The following FSD2 variants were observed in gnomAD, a reference collection of about 807,000 sequenced individuals.
FSD2 encodes the protein fibronectin type III and SPRY domain containing 2, also known as fibronectin type III and SPRY domain-containing protein 2.
In FSD2, 71 loss-of-function variants were observed where a neutral mutation model predicts 80.4. The observed-to-expected ratio is 0.88, with a 90% CI of 0.73 to 1.08. The LOEUF is 1.08. Ranked by LOEUF, FSD2 falls within the 50% of genes least tolerant of loss-of-function variation. FSD2 has a pLI of 0.00. For missense variants in FSD2, 923 were observed against 913.8 expected (o/e 1.01, Z -0.13); for synonymous variants, 361 against 329.5 (o/e 1.10, Z -1.03).
chr15:82,771,461 G>A (rs1235666977), intron 7 of FSD2, among the ~76,000 whole-genome samples: 1 of 152,176 alleles, frequency 6.6e-6, no homozygotes, highest in East Asian at 1.9e-4. Context: ...ATTGATTATT[G>A]TAGTATGGGG....
chr15:82,796,770 G>A (rs2050281612), intron 1 of FSD2, among the ~76,000 whole-genome samples: 1 of 152,078 alleles, frequency 6.6e-6, no homozygotes, highest in African/African-American at 2.4e-5. Context: ...TTCAGGCTAT[G>A]GAATCTGTAT....
chr15:82,803,942 G>T (rs1596270059), intron 1 of FSD2, among the ~76,000 whole-genome samples: 1 of 152,274 alleles, frequency 6.6e-6, no homozygotes, highest in Non-Finnish European at 1.5e-5. Context: ...TATTAACAGT[G>T]TCTACCTCAT....
intron 6 of FSD2, among the ~76,000 whole-genome samples, chr15:82,772,641 AGG>A (rs778429357): frequency 5.9e-5 from 9 of 152,202 alleles, no homozygotes; most frequent in Non-Finnish European, 1.0e-4. Flanking sequence ...GTATGGGGAA[AGG>A]GGGCATCCAG....
At chr15:82,804,183 T>C (rs2050477339) in intron 1 of FSD2, among the ~76,000 whole-genome samples, 2 of 151,988 alleles carry the variant, frequency 1.3e-5, no homozygotes, top group Non-Finnish European at 2.9e-5. Flanking sequence ...TATTTGTCCC[T>C]TGAAAACAGC....
chr15:82,786,806 A>C lies in FSD2; in HGVS notation c.585T>G (p.Asp195Glu). ...TPIRAFQKVFDEHKEHEVIPL... is the reference protein window; with the variant it reads ...TPIRAFQKVFEEHKEHEVIPL... Reference sequence around the variant, plus strand: ...GGATCACTTCATGCTCCTTATGTTCATCAAAAACCTTCTGAAAAGCTCTTA... The same window carrying C: ...GGATCACTTCATGCTCCTTATGTTCCTCAAAAACCTTCTGAAAAGCTCTTA... Residue 195 changes from aspartate (D) to glutamate (E), a missense_variant, in exon 2 of 13, where the codon GAT becomes GAG. By Grantham distance (45) the Asp-to-Glu change is conservative. Transcript: ENST00000334574. 1 of 1,614,014 alleles carries C rather than the reference A, an allele frequency of 6.2e-7. No individual in the cohort carries two copies. Among genetic ancestry groups the C allele is most frequent in the East Asian group, 2.2e-5 (1 of 44,888 alleles).
At chr15:82,802,809 T>C (rs2050446168) in intron 1 of FSD2, among the ~76,000 whole-genome samples, 1 of 152,092 alleles carries the variant, frequency 6.6e-6, no homozygotes, top group African/African-American at 2.4e-5. Flanking sequence ...GCAGAGTTAG[T>C]GTGTTATGGG....
intron 4 of FSD2, among the ~76,000 whole-genome samples, chr15:82,781,523 T>A (rs1369707384): frequency 6.6e-6 from 1 of 152,168 alleles, no homozygotes; most frequent in Non-Finnish European, 1.5e-5. Context: ...CCTCCTCCTG[T>A]GGCACCTTGT....
In FSD2 at chr15:82,766,601, G is replaced by A. The variant is rs373022387; in HGVS notation, c.1554-570C>T. Among the ~76,000 whole-genome samples the A allele has an allele frequency of 1.2e-4, 19 of 152,162 alleles. 1 individual carries two copies. In the East Asian group the frequency reaches 1.4e-3, roughly 11 times the overall value. ...TACTAAAAATGCAAAAATTAACCGA[G>A]TGTGGTGGCAGGTGCCTGTAATTCC... On this transcript the variant is annotated intron_variant, in intron 9 of 12. Coordinates refer to ENST00000334574, the MANE Select transcript of FSD2 (RefSeq NM_001007122.4).
intron 11 of FSD2, 115 bp downstream of exon 11, chr15:82,765,051 T>C (rs1033342092): frequency 8.8e-6 from 11 of 1,253,930 alleles, no homozygotes; most frequent in South Asian, 6.8e-5. Context: ...CCTCACTCAT[T>C]TGTAGGATTC....
intron 7 of FSD2, among the ~76,000 whole-genome samples, chr15:82,771,803 G>A (rs977280819): frequency 6.6e-6 from 1 of 152,232 alleles, no homozygotes; most frequent in African/African-American, 2.4e-5. Context: ...CTGCACACAG[G>A]GCAGCCAGAG....
At chr15:82,762,037 G>A in intron 12 of FSD2, 65 bp downstream of exon 12, 1 of 1,315,800 alleles carries the variant, frequency 7.6e-7, no homozygotes, top group East Asian at 2.6e-5. Flanking sequence ...TATTGCTAGT[G>A]AAAAGGTCTT....
chr15:82,767,386 A>C (rs1341139417), intron 9 of FSD2, among the ~76,000 whole-genome samples: 1 of 152,194 alleles, frequency 6.6e-6, no homozygotes, highest in Non-Finnish European at 1.5e-5. Context: ...AGGAGCATGA[A>C]AAGTAGGAGG....
chr15:82,769,697 T>A, intron 8 of FSD2, 53 bp downstream of exon 8: 3 of 1,563,708 alleles, frequency 1.9e-6, no homozygotes, highest in Non-Finnish European at 2.6e-6. Context: ...AACCCATGAC[T>A]CCTGTGTCCG....
At chr15:82,802,359 T>G (rs1378288644) in intron 1 of FSD2, among the ~76,000 whole-genome samples, 5 of 152,142 alleles carry the variant, frequency 3.3e-5, no homozygotes, top group African/African-American at 1.2e-4. Context: ...AAAGTTCCCT[T>G]CCAGCTATGG....
At chr15:82,778,152 ATATAT>A (rs2049765834) in intron 6 of FSD2, among the ~76,000 whole-genome samples, 1 of 139,462 alleles carries the variant, frequency 7.2e-6, no homozygotes, top group Non-Finnish European at 1.5e-5. Context: ...ATATATATAT[ATATAT>A]AATAACTATT....
chr15:82,792,288 G>A (rs11637563), intron 1 of FSD2, among the ~76,000 whole-genome samples: 22,185 of 152,198 alleles, frequency 0.15, 1,915 homozygotes, highest in South Asian at 0.34. Context: ...GTTATTATCT[G>A]ACTGTTTGAT....
At chr15:82,761,456 C>T (rs902402053) in intron 12 of FSD2, among the ~76,000 whole-genome samples, 12 of 152,118 alleles carry the variant, frequency 7.9e-5, no homozygotes, top group Non-Finnish European at 1.3e-4. Flanking sequence ...CCCACATTTA[C>T]TTAAAAAGAT....
chr15:82,759,169 G>T lies in FSD2; in HGVS notation c.*179C>A. On this transcript the variant is annotated 3_prime_UTR_variant, in exon 13 of 13. Transcript: ENST00000334574. ...CTATCCTAGCAGCACACAGGTAGCA[G>T]CACACAGGACTAGAATCCAGGTTGG... The T allele has an allele frequency of 1.6e-6, 1 of 641,214 alleles. No individual in the cohort carries two copies. Among genetic ancestry groups the T allele is most frequent in the East Asian group, 2.8e-5 (1 of 35,738 alleles). The allele number at this position is 641,214 out of a possible 1,614,324, so 39.7% of individuals were successfully genotyped here. A position where few individuals can be genotyped will look rare whatever the true frequency, so the allele number is the denominator to read the frequency against.
rs1404555806 is a variant in FSD2 at position 82,787,208 on chromosome 15, A to T, written c.183T>A (p.Gly61=). ...CCTCTTGAAGGTCTCTTTGAGCCTTACCATCCCCTGCTCCTCTTGACTCAT... is the reference window on the plus strand; with the variant it reads ...CCTCTTGAAGGTCTCTTTGAGCCTTTCCATCCCCTGCTCCTCTTGACTCAT... ...MANESRGAGD[G]KAQRDLQEEV... Residue 61 remains glycine, a synonymous_variant, in exon 2 of 13, where the codon GGT becomes GGA. Transcript: ENST00000334574. 1.2e-6 allele frequency: 2 copies of T among 1,613,842 alleles called. No individual in the cohort carries two copies. The highest frequency in any genetic ancestry group is 2.2e-5 in the East Asian group (1 of 44,894).
Sources: allele counts gnomAD v4.1 joint callset (sites outside exome capture counted in the v4.1 genomes callset), GRCh38; gene constraint gnomAD v4.1.1; transcripts MANE v1.5; gene names NCBI Gene and HGNC (gene_info 2026-07-23, HGNC 2026-07-21).